The following PIK3CA variants were observed in gnomAD, a reference collection of about 807,000 sequenced individuals.
PIK3CA encodes the protein phosphatidylinositol-4,5-bisphosphate 3-kinase catalytic subunit alpha.
Under a neutral mutation model 138.2 loss-of-function variants are expected in PIK3CA, and 27 were observed. The observed-to-expected ratio is 0.20, with a 90% CI of 0.14 to 0.27. PIK3CA has a LOEUF of 0.27. Ranked by LOEUF, PIK3CA falls within the 10% of genes least tolerant of loss-of-function variation. The pLI, the probability that PIK3CA is intolerant of heterozygous loss-of-function variation, is 1.00. For missense variants in PIK3CA, 544 were observed against 1,277.4 expected (o/e 0.43, Z 8.75); for synonymous variants, 358 against 413.2 (o/e 0.87, Z 1.62).
intron 9 of PIK3CA, among the ~76,000 whole-genome samples, chr3:179,211,075 G>C (rs563564298): frequency 5.3e-5 from 8 of 152,064 alleles, no homozygotes; most frequent in Admixed American, 1.3e-4. Flanking sequence ...CAAAAAAATT[G>C]AAGTTAGGTA....
Position 179,220,248 on chromosome 3 carries a change from C to G in PIK3CA, c.2015+196C>G, listed in dbSNP as rs1442913589. On this transcript the variant is annotated intron_variant, in intron 13 of 20. Transcript: ENST00000263967. This position sits in a 1 kb window ranked among gnomAD's most constrained non-coding sequence, Gnocchi z 4.1. ...AATTTAAAAAGCAGTAAATTCAAAA[C>G]TAAATTTTAGTCATGAATGAGAGCT... is the stretch of plus-strand genomic sequence containing the variant. 2.0e-5 allele frequency among the ~76,000 whole-genome samples: 3 copies of G among 152,112 alleles called. No homozygotes were observed. The highest frequency in any genetic ancestry group is 4.4e-5 in the Non-Finnish European group (3 of 67,982).
At position 179,201,460 on chromosome 3, in the gene PIK3CA, G is replaced by C. The variant is rs2108389912; in HGVS notation, c.733G>C (p.Glu245Gln). 1 of 1,613,338 alleles carries C rather than the reference G, an allele frequency of 6.2e-7. No individual in the cohort carries two copies. The highest frequency in any genetic ancestry group is 8.5e-7 in the Non-Finnish European group (1 of 1,179,422). The change falls in exon 4 of 21, where the codon GAA becomes CAA. Residue 245 changes from glutamate (E) to glutamine (Q), a missense_variant. Glu to Gln is a conservative substitution (Grantham distance 29, BLOSUM62 2). This residue lies in a region of PIK3CA where 234 missense variants were observed against 401.3 expected (regional missense o/e 0.58). Transcript: ENST00000263967. ...TGAACAACTAAAACTCTGTGTTTTA[G>C]AATATCAGGGCAAGTATATTTTAAA... is the stretch of plus-strand genomic sequence containing the variant. ...SSEQLKLCVL[E>Q]YQGKYILKVC...
intron 5 of PIK3CA, among the ~76,000 whole-genome samples, chr3:179,204,193 G>T (rs1235331024): frequency 2.0e-5 from 3 of 152,158 alleles, no homozygotes; most frequent in African/African-American, 7.2e-5. Flanking sequence ...GTAGTATTTA[G>T]TAAGTACGTG....
At chr3:179,211,702 G>GATCATCTCTACATGAGTACTTCATC in intron 9 of PIK3CA, among the ~76,000 whole-genome samples, 1 of 152,214 alleles carries the variant, frequency 6.6e-6, no homozygotes, top group African/African-American at 2.4e-5. Flanking sequence ...ATGTAATGCT[G>GATCATCTCTACATGAGTACTTCATC]ATCATCTCTA....
intron 1 of PIK3CA, among the ~76,000 whole-genome samples, chr3:179,154,065 G>A (rs189848505): frequency 7.2e-5 from 11 of 152,182 alleles, no homozygotes; most frequent in African/African-American, 2.4e-4. Context: ...TACAGTTTAG[G>A]GAGTTTTAAG....
intron 1 of PIK3CA, among the ~76,000 whole-genome samples, chr3:179,150,968 T>C (rs1366751236): frequency 6.6e-6 from 1 of 152,222 alleles, no homozygotes; most frequent in Non-Finnish European, 1.5e-5. Flanking sequence ...GCAGCTACAG[T>C]AGCATTAAAA....
intron 1 of PIK3CA, among the ~76,000 whole-genome samples, chr3:179,197,938 A>G (rs1560136675): frequency 6.6e-6 from 1 of 152,226 alleles, no homozygotes; most frequent in Admixed American, 6.5e-5. Flanking sequence ...AAATATTACA[A>G]ACTGATTGGA....
chr3:179,206,827 A>AG (rs1444419113), intron 6 of PIK3CA, among the ~76,000 whole-genome samples: 2 of 151,464 alleles, frequency 1.3e-5, no homozygotes, highest in African/African-American at 4.9e-5. Context: ...GTGAGGTGGG[A>AG]GGATCACCTG....
intron 1 of PIK3CA, among the ~76,000 whole-genome samples, chr3:179,182,290 G>A (rs1326916618): frequency 6.6e-6 from 1 of 152,160 alleles, no homozygotes; most frequent in Non-Finnish European, 1.5e-5. Flanking sequence ...GCATTTTAAT[G>A]TATTAAATCA....
chr3:179,155,753 G>T (rs1476820369), intron 1 of PIK3CA, among the ~76,000 whole-genome samples: 1 of 152,046 alleles, frequency 6.6e-6, no homozygotes, highest in African/African-American at 2.4e-5. Flanking sequence ...AGATACCAAG[G>T]GATAACTGTA....
intron 1 of PIK3CA, among the ~76,000 whole-genome samples, chr3:179,179,097 C>G (rs901926614): frequency 5.7e-4 from 86 of 152,210 alleles, no homozygotes; most frequent in African/African-American, 2.0e-3. Flanking sequence ...TTCCCAGACA[C>G]CAAGCCAGCC....
At chr3:179,175,041 T>C (rs531964817) in intron 1 of PIK3CA, among the ~76,000 whole-genome samples, 7 of 152,318 alleles carry the variant, frequency 4.6e-5, no homozygotes, top group Middle Eastern at 3.4e-3. Flanking sequence ...ACAGCTGTTA[T>C]CTCAAGACTC....
chr3:179,175,093 G>A (rs1174710741), intron 1 of PIK3CA, among the ~76,000 whole-genome samples: 1 of 152,152 alleles, frequency 6.6e-6, no homozygotes, highest in South Asian at 2.1e-4. Context: ...CCTGCTTCCT[G>A]TGTTGAAGCA....
intron 8 of PIK3CA, 32 bp from the exon 9 acceptor site, chr3:179,210,399 G>A: frequency 6.2e-7 from 1 of 1,601,750 alleles, no homozygotes; most frequent in Non-Finnish European, 8.5e-7. Context: ...TCTCTCTTAT[G>A]TATATATAAT....
At chr3:179,156,276 G>A (rs886669692) in intron 1 of PIK3CA, among the ~76,000 whole-genome samples, 1 of 152,162 alleles carries the variant, frequency 6.6e-6, no homozygotes, top group Non-Finnish European at 1.5e-5. Flanking sequence ...TGCTACAGGT[G>A]TGGTCAAAAT....
intron 1 of PIK3CA, among the ~76,000 whole-genome samples, chr3:179,187,434 A>T (rs1338181644): frequency 7.0e-6 from 1 of 143,006 alleles, no homozygotes; most frequent in Non-Finnish European, 1.5e-5. Flanking sequence ...GCTACTCAGG[A>T]GGCTGAGGCA....
intron 1 of PIK3CA, among the ~76,000 whole-genome samples, chr3:179,185,081 C>T (rs1723943314): frequency 6.6e-6 from 1 of 152,118 alleles, no homozygotes; most frequent in Admixed American, 6.5e-5. Flanking sequence ...AAGAAGTTAT[C>T]CACTCTCACC....
intron 20 of PIK3CA, chr3:179,233,417 A>AT (rs75435014): frequency 0.069 from 20,709 of 299,392 alleles, 156 homozygotes; most frequent in South Asian, 0.16. Flanking sequence ...AACTATTTTA[A>AT]TTTTTTTTTT....
At chr3:179,168,168 G>T (rs1446689131) in intron 1 of PIK3CA, among the ~76,000 whole-genome samples, 1 of 152,060 alleles carries the variant, frequency 6.6e-6, no homozygotes, top group Non-Finnish European at 1.5e-5. Flanking sequence ...TCCACCTTTG[G>T]TTGGCTAGAG....
Sources: gnomAD v4.1 joint callset for allele counts (sites outside exome capture counted in the v4.1 genomes callset) on GRCh38, gnomAD v4.1.1 for gene constraint, gnomAD v4.1.1 regional missense constraint, Gnocchi (gnomAD v3.1) non-coding constraint, MANE v1.5 for transcripts, NCBI Gene and HGNC (gene_info 2026-07-23, HGNC 2026-07-21) for gene names.